The following TRIM48 variants were observed in gnomAD, a reference collection of about 807,000 sequenced individuals.
TRIM48 encodes the protein E3 ubiquitin-protein ligase TRIM48.
Under a neutral mutation model 29.5 loss-of-function variants are expected in TRIM48, and 31 were observed. The ratio of observed to expected loss-of-function variants is 1.05; its 90% confidence interval spans 0.79 to 1.42. TRIM48 has a LOEUF of 1.42. TRIM48 is among the 40% of genes most tolerant of loss of function. TRIM48 has a pLI of 0.00. For missense variants in TRIM48, 344 were observed against 265.0 expected (o/e 1.30, Z -2.07); for synonymous variants, 128 against 90.6 (o/e 1.41, Z -2.34).
chr11:55,264,283 T>C lies in TRIM48; in HGVS notation c.45-617T>C, dbSNP rs946019356. ...AACCTAAATTGGTTTAATTGCTGTT[T>C]TTTATTTGTTTATTTGGTTGGTTGA... On this transcript the variant is annotated intron_variant, in intron 1 of 5. Coordinates refer to ENST00000417545, the MANE Select transcript of TRIM48 (RefSeq NM_024114.5). Among the ~76,000 whole-genome samples, 6 of 148,074 alleles carry C rather than the reference T, an allele frequency of 4.1e-5. 1 individual carries two copies. The highest frequency in any genetic ancestry group is 3.4e-4 in the Admixed American group (5 of 14,612).
At chr11:55,269,633 T>C (rs1590623743) in intron 5 of TRIM48, among the ~76,000 whole-genome samples, 1 of 147,316 alleles carries the variant, frequency 6.8e-6, no homozygotes, top group Admixed American at 6.9e-5. Context: ...ATGCTCAGAA[T>C]GAAGGTGAGT....
In TRIM48 at chr11:55,270,807, A is replaced by C; in HGVS notation, c.*372A>C. The C allele has an allele frequency of 3.2e-6, 5 of 1,575,214 alleles. 1 individual carries two copies. Among genetic ancestry groups the C allele is most frequent in the Non-Finnish European group, 4.3e-6 (5 of 1,158,470 alleles). ...TCCCAAGACCTACCAACCATGTAGA[A>C]TTATTCCTGGATTGTGAAGCTAGAA... On this transcript the variant is annotated 3_prime_UTR_variant, in exon 6 of 6. Coordinates refer to ENST00000417545, the MANE Select transcript of TRIM48 (RefSeq NM_024114.5).
chr11:55,269,486 T>G, intron 5 of TRIM48, 147 bp downstream of exon 5: 1 of 1,163,476 alleles, frequency 8.6e-7, no homozygotes, highest in South Asian at 1.7e-5. Flanking sequence ...TTTGTATCTG[T>G]GTCTGTATAG....
chr11:55,269,582 A>C (rs534539803), intron 5 of TRIM48, among the ~76,000 whole-genome samples: 1 of 147,646 alleles, frequency 6.8e-6, no homozygotes, highest in African/African-American at 2.5e-5. Flanking sequence ...ATGGGAAAAA[A>C]GGAGTAGTGT....
At chr11:55,263,789 G>A (rs1416147946) in intron 1 of TRIM48, among the ~76,000 whole-genome samples, 6 of 152,226 alleles carry the variant, frequency 3.9e-5, no homozygotes, top group Admixed American at 1.3e-4. Context: ...AGTCTGAGCA[G>A]TTCCAAATAT....
At chr11:55,264,136 T>TATTGTGTTACTATTA (rs1212740918) in intron 1 of TRIM48, among the ~76,000 whole-genome samples, 12 of 149,298 alleles carry the variant, frequency 8.0e-5, no homozygotes, top group South Asian at 2.3e-4. Context: ...TACACCTCTT[T>TATTGTGTTACTATTA]AAGTTTAACA....
Position 55,270,794 on chromosome 11 carries a change from C to T in TRIM48, c.*359C>T. On this transcript the variant is annotated 3_prime_UTR_variant, in exon 6 of 6. Coordinates refer to ENST00000417545, the MANE Select transcript of TRIM48 (RefSeq NM_024114.5). ...ACACTGCAGTATGTCCCAAGACCTA[C>T]CAACCATGTAGAATTATTCCTGGAT... 6.3e-7 allele frequency: 1 copy of T among 1,575,466 alleles called. No individual in the cohort carries two copies. Among genetic ancestry groups the T allele is most frequent in the Non-Finnish European group, 8.6e-7 (1 of 1,158,624 alleles).
chr11:55,265,501 G>A lies in TRIM48; in HGVS notation c.460-99G>A, dbSNP rs888281843. ...AAACAGAAGAAATGCCATTTACTAG[G>A]GACTTATTTGTCTCTCATTCTGGGC... is the stretch of plus-strand genomic sequence containing the variant. On this transcript the variant is annotated intron_variant, in intron 2 of 5. Coordinates refer to ENST00000417545, the MANE Select transcript of TRIM48 (RefSeq NM_024114.5). 3.2e-5 allele frequency: 48 copies of A among 1,485,896 alleles called. 5 individuals are homozygous for A. Among genetic ancestry groups the A allele is most frequent in the Non-Finnish European group, 4.2e-5 (46 of 1,093,620 alleles). 92.0% of individuals were successfully genotyped at this position (1,485,896 alleles called of 1,614,324 possible).
rs1395198632 is a variant in TRIM48 at position 55,269,255 on chromosome 11, C to T, written c.592C>T (p.Leu198=). The change falls in exon 5 of 6, where the codon CTG becomes TTG. Residue 198 remains leucine (L), a synonymous_variant. Transcript: ENST00000417545. ...GDILYRSESV[L]LHMPQPLNLA... ...TTTTCCTTGCAGGAGTGAGTCCGTGCTGCTGCACATGCCCCAGCCTCTGAA... is the reference window on the plus strand; with the variant it reads ...TTTTCCTTGCAGGAGTGAGTCCGTGTTGCTGCACATGCCCCAGCCTCTGAA... 1 of 1,575,212 alleles carries T rather than the reference C, an allele frequency of 6.3e-7. No individual in the cohort carries two copies. Among genetic ancestry groups the T allele is most frequent in the South Asian group, 1.2e-5 (1 of 83,686 alleles).
intron 1 of TRIM48, among the ~76,000 whole-genome samples, chr11:55,263,407 C>G (rs1295106301): frequency 6.6e-6 from 1 of 151,948 alleles, no homozygotes; most frequent in Non-Finnish European, 1.5e-5. Context: ...AATCCCAGCA[C>G]TTTTGGAGGC....
intron 1 of TRIM48, among the ~76,000 whole-genome samples, chr11:55,263,743 G>A (rs191954929): frequency 6.6e-6 from 1 of 152,194 alleles, no homozygotes; most frequent in East Asian, 1.9e-4. Context: ...CTACACGAGG[G>A]GAATTCATCA....
chr11:55,265,807 A>AC, intron 3 of TRIM48, 112 bp downstream of exon 3: 1 of 1,229,618 alleles, frequency 8.1e-7, no homozygotes, highest in African/African-American at 1.6e-5. Context: ...CAAAAAAAAA[A>AC]AAAAAAGAGA....
chr11:55,266,976 G>T (rs535875502), intron 3 of TRIM48, among the ~76,000 whole-genome samples: 2 of 147,652 alleles, frequency 1.4e-5, no homozygotes, highest in African/African-American at 5.0e-5. Context: ...TGGGCGAAAT[G>T]CATTTAGCTG....
Position 55,270,998 on chromosome 11 carries a change from C to T in TRIM48, c.*563C>T, listed in dbSNP as rs572968731. ...GAACCCCTTTATCCCAGAAAGCCCTCTTCCTTGTGCCTTATCAAACAGGAC... is the reference window on the plus strand; with the variant it reads ...GAACCCCTTTATCCCAGAAAGCCCTTTTCCTTGTGCCTTATCAAACAGGAC... On this transcript the variant is annotated 3_prime_UTR_variant, in exon 6 of 6. Coordinates refer to ENST00000417545, the MANE Select transcript of TRIM48 (RefSeq NM_024114.5). 1.9e-4 allele frequency: 287 copies of T among 1,505,892 alleles called. 34 individuals carry two copies. In the Middle Eastern group the frequency reaches 2.7e-3, roughly 14 times the overall value. The allele number at this position is 1,505,892 out of a possible 1,614,324, so 93.3% of individuals were successfully genotyped here. A position where few individuals can be genotyped will look rare whatever the true frequency, so the allele number is the denominator to read the frequency against.
intron 3 of TRIM48, among the ~76,000 whole-genome samples, chr11:55,267,879 C>G (rs186680984): frequency 6.8e-6 from 1 of 147,990 alleles, no homozygotes; most frequent in Admixed American, 6.8e-5. Flanking sequence ...GTAACAGCCC[C>G]AATAACTATT....
intron 3 of TRIM48, among the ~76,000 whole-genome samples, chr11:55,267,836 C>T (rs1297570176): frequency 6.8e-6 from 1 of 147,982 alleles, no homozygotes; most frequent in Non-Finnish European, 1.5e-5. Flanking sequence ...CCTACTTTAT[C>T]CACCAGCCAC....
rs1857373811 is a variant in TRIM48, at chr11:55,265,286, C to T, written c.431C>T (p.Pro144Leu). The change falls in exon 2 of 6, where the codon CCC becomes CTC. Residue 144 changes from proline (P) to leucine (L), a missense_variant. By Grantham distance (98) the Pro-to-Leu change is moderately conservative. Transcript: ENST00000417545. The stretch of plus-strand genomic sequence containing the variant: ...GAGCACCGGTATCACAGACACTGTC[C>T]CGCTGAGTGGGCTGCTGAGGAACAC... ...SQEHRYHRHC[P>L]AEWAAEEHWE... 3 of 1,582,184 alleles carry T rather than the reference C, an allele frequency of 1.9e-6. 1 individual carries two copies. The highest frequency in any genetic ancestry group is 2.6e-6 in the Non-Finnish European group (3 of 1,166,034).
intron 5 of TRIM48, among the ~76,000 whole-genome samples, chr11:55,269,970 T>G (rs1857455197): frequency 6.8e-6 from 1 of 148,084 alleles, no homozygotes; most frequent in African/African-American, 2.5e-5. Context: ...TGCAGAAATC[T>G]GCTTCAAATG....
rs764210207 is a variant in TRIM48 at position 55,265,651 on chromosome 11, C to A, written c.511C>A (p.Gln171Lys). 3 of 1,581,542 alleles carry A rather than the reference C, an allele frequency of 1.9e-6. No homozygotes were observed. Among genetic ancestry groups the A allele is most frequent in the African/African-American group, 2.7e-5 (2 of 73,070 alleles). Reference protein sequence around the residue: ...QSLWEKACENQRNLNVETTRI... With the variant: ...QSLWEKACENKRNLNVETTRI... ...TTTATGGGAAAAAGCTTGTGAAAAT[C>A]AGAGAAACCTGAATGTGGAAACCAC... Residue 171 changes from glutamine to lysine, a missense_variant, in exon 3 of 6, where the codon CAG becomes AAG. Physicochemically the swap from Gln to Lys is moderately conservative, Grantham distance 53. Transcript: ENST00000417545.
Sources: gnomAD v4.1 joint callset for allele counts (sites outside exome capture counted in the v4.1 genomes callset) on GRCh38, gnomAD v4.1.1 for gene constraint, MANE v1.5 for transcripts, NCBI Gene and HGNC (gene_info 2026-07-23, HGNC 2026-07-21) for gene names.